Variants in PARD3B observed in about 807,000 individuals in gnomAD.
PARD3B encodes par-3 family cell polarity regulator beta, also known as partitioning defective 3 homolog B.
A neutral mutation model predicts 130.2 loss-of-function variants in PARD3B; 103 were observed. That is an observed-to-expected ratio of 0.79 (90% CI 0.67 to 0.93). PARD3B has a LOEUF of 0.93. PARD3B is among the 40% of genes least tolerant of loss of function. The probability of loss-of-function intolerance (pLI) is 0.00; values close to 1 mark genes in which losing one functional copy is unlikely to be tolerated. For synonymous variants in PARD3B, 583 were observed against 553.2 expected (o/e 1.05, Z -0.76); for missense variants, 1,609 against 1,499.2 (o/e 1.07, Z -1.21).
intron 22 of PARD3B, among the ~76,000 whole-genome samples, chr2:205,557,381 C>G (rs895846207): frequency 2.0e-5 from 3 of 152,184 alleles, no homozygotes; most frequent in African/African-American, 7.2e-5. Flanking sequence ...TCCCCAAGCC[C>G]AGTCTCTGGA....
chr2:205,253,543 C>G lies in PARD3B; in HGVS notation c.2185+7721C>G, dbSNP rs779916499. The G allele has an allele frequency of 3.9e-6, 2 of 517,720 alleles. No individual in the cohort carries two copies. The highest frequency in any genetic ancestry group is 3.8e-5 in the African/African-American group (2 of 52,100). 32.1% of individuals were successfully genotyped at this position (517,720 alleles called of 1,614,324 possible). A position where few individuals can be genotyped will look rare whatever the true frequency, so the allele number is the denominator to read the frequency against. ...GACTCACACTGCTGTCATGGCCCCACAGCCTGGAGCCTCCCCTGCCTCCTC... is the reference window on the plus strand; with the variant it reads ...GACTCACACTGCTGTCATGGCCCCAGAGCCTGGAGCCTCCCCTGCCTCCTC... On this transcript the variant is annotated intron_variant, in intron 16 of 22. Transcript: ENST00000406610. The surrounding 1 kb of genome is among the most constrained non-coding windows in gnomAD (Gnocchi z 4.4).
At chr2:205,047,773 A>T (rs187578294) in intron 4 of PARD3B, 83 bp downstream of exon 4, 1 of 878,548 alleles carries the variant, frequency 1.1e-6, no homozygotes, top group Non-Finnish European at 1.8e-6. Context: ...AGTTTTAAAC[A>T]CATTGATAAC....
chr2:205,531,250 T>C (rs1346378332), intron 21 of PARD3B, among the ~76,000 whole-genome samples: 1 of 151,372 alleles, frequency 6.6e-6, no homozygotes, highest in Admixed American at 6.6e-5. Flanking sequence ...CAATTAAGAG[T>C]TAGAGGAACA....
At position 205,007,444 on chromosome 2, in the gene PARD3B, G is replaced by A. The variant is rs373433323; in HGVS notation, c.395-40137G>A. Among the ~76,000 whole-genome samples the A allele has an allele frequency of 1.4e-3, 220 of 152,236 alleles. 1 individual carries two copies. Among genetic ancestry groups the A allele is most frequent in the African/African-American group, 4.9e-3 (204 of 41,550 alleles). ...TTCCCAGTACCATTTATTGAATAGG[G>A]TGTCTTTTCCCCAATTTATGTTTTT... is the stretch of plus-strand genomic sequence containing the variant. On this transcript the variant is annotated intron_variant, in intron 3 of 22. Coordinates refer to ENST00000406610, the MANE Select transcript of PARD3B (RefSeq NM_001302769.2).
At chr2:204,989,444 A>C (rs566763557) in intron 3 of PARD3B, among the ~76,000 whole-genome samples, 1 of 152,274 alleles carries the variant, frequency 6.6e-6, no homozygotes, top group African/African-American at 2.4e-5. Context: ...TAAATTAAAT[A>C]TTGAATTTGA....
At chr2:204,922,922 C>A (rs1042269781) in intron 2 of PARD3B, among the ~76,000 whole-genome samples, 1 of 151,960 alleles carries the variant, frequency 6.6e-6, no homozygotes, top group African/African-American at 2.4e-5. Context: ...TATAACATAC[C>A]TTTTATGATA....
At chr2:205,308,249 C>T (rs929206782) in intron 18 of PARD3B, among the ~76,000 whole-genome samples, 16 of 152,138 alleles carry the variant, frequency 1.1e-4, no homozygotes, top group African/African-American at 3.6e-4. Context: ...TTTAACAGCA[C>T]TTTTCCTGTC....
chr2:205,074,095 A>C (rs1291148472), intron 4 of PARD3B, among the ~76,000 whole-genome samples: 1 of 152,176 alleles, frequency 6.6e-6, no homozygotes, highest in Non-Finnish European at 1.5e-5. Flanking sequence ...ATTTAAATGT[A>C]TCTTTTTCTA....
chr2:204,969,899 T>C (rs554765826), intron 3 of PARD3B, among the ~76,000 whole-genome samples: 1 of 152,186 alleles, frequency 6.6e-6, no homozygotes, highest in Non-Finnish European at 1.5e-5. Context: ...TGCTTCTGTC[T>C]TCTTATCTTC....
intron 10 of PARD3B, among the ~76,000 whole-genome samples, chr2:205,153,095 G>A (rs916672036): frequency 6.6e-5 from 10 of 152,310 alleles, no homozygotes; most frequent in Admixed American, 6.5e-4. Context: ...AGAGGCTGCA[G>A]ATCAGCAAAT....
intron 12 of PARD3B, among the ~76,000 whole-genome samples, chr2:205,175,919 C>T (rs1018267026): frequency 3.3e-5 from 5 of 152,152 alleles, no homozygotes; most frequent in African/African-American, 1.2e-4. Flanking sequence ...CTCAGGAGAA[C>T]TGCTGTCTGG....
At chr2:205,025,607 A>G (rs912763990) in intron 3 of PARD3B, among the ~76,000 whole-genome samples, 3 of 151,762 alleles carry the variant, frequency 2.0e-5, no homozygotes, top group Non-Finnish European at 4.4e-5. Flanking sequence ...TGGTTTAACT[A>G]TGCTCTCACT....
chr2:204,978,338 G>C (rs966769723), intron 3 of PARD3B, among the ~76,000 whole-genome samples: 3 of 152,190 alleles, frequency 2.0e-5, no homozygotes, highest in African/African-American at 7.2e-5. Flanking sequence ...ATTAGGCATG[G>C]AGTATCTCTA....
intron 20 of PARD3B, among the ~76,000 whole-genome samples, chr2:205,453,425 A>T (rs2048170198): frequency 6.6e-6 from 1 of 152,192 alleles, no homozygotes; most frequent in African/African-American, 2.4e-5. Context: ...AAGATAAAAC[A>T]TTTAGACTTT....
chr2:205,046,757 G>A (rs1195969360), intron 3 of PARD3B, among the ~76,000 whole-genome samples: 1 of 152,128 alleles, frequency 6.6e-6, no homozygotes, highest in Non-Finnish European at 1.5e-5. Context: ...ATTTTTATAT[G>A]AGAGTGATTT....
rs998473762 is a variant in PARD3B, at chr2:204,643,064, A to C, written c.121-43117A>C. Among the ~76,000 whole-genome samples, 3 of 134,538 alleles carry C rather than the reference A, an allele frequency of 2.2e-5. No homozygotes were observed. The East Asian group carries it at 7.5e-4, about 34-fold the overall frequency. 88.3% of individuals were successfully genotyped at this position (134,538 alleles called of 152,430 possible). ...GGGGGGCGCAGATTGCAGTGAGCCGAGATCGCACCACCGCACTCCAGCCTG... is the reference window on the plus strand; with the variant it reads ...GGGGGGCGCAGATTGCAGTGAGCCGCGATCGCACCACCGCACTCCAGCCTG... On this transcript the variant is annotated intron_variant, in intron 1 of 22. Transcript: ENST00000406610.
intron 1 of PARD3B, among the ~76,000 whole-genome samples, chr2:204,632,429 G>T (rs1228643826): frequency 6.6e-6 from 1 of 152,100 alleles, no homozygotes; most frequent in Admixed American, 6.6e-5. Context: ...ATCTTTGTGG[G>T]CTTATCTACC....
chr2:204,824,668 A>T (rs1273897731), intron 2 of PARD3B, among the ~76,000 whole-genome samples: 2 of 152,154 alleles, frequency 1.3e-5, no homozygotes, highest in Non-Finnish European at 2.9e-5. Flanking sequence ...ATATTTAAGT[A>T]AAGACTAGTG....
At chr2:205,381,029 T>TAAAGAA (rs1194660288) in intron 18 of PARD3B, among the ~76,000 whole-genome samples, 1 of 25,374 alleles carries the variant, frequency 3.9e-5, no homozygotes, top group Non-Finnish European at 9.0e-5. Context: ...ATATGATATA[T>TAAAGAA]TATATATAAA....
Sources: allele counts gnomAD v4.1 joint callset (sites outside exome capture counted in the v4.1 genomes callset), GRCh38; gene constraint gnomAD v4.1.1; non-coding constraint Gnocchi (gnomAD v3.1); transcripts MANE v1.5; gene names NCBI Gene and HGNC (gene_info 2026-07-23, HGNC 2026-07-21).